Variants in SEMA3E observed in about 807,000 individuals in gnomAD.
SEMA3E encodes the protein semaphorin-3E.
In SEMA3E, 49 loss-of-function variants were observed where a neutral mutation model predicts 93.6. The ratio of observed to expected loss-of-function variants is 0.52; its 90% CI spans 0.42 to 0.66. The LOEUF is 0.66. Among genes scored for constraint, SEMA3E ranks in the 30% least tolerant of loss-of-function variants. The probability of loss-of-function intolerance (pLI) is 0.00; values close to 1 mark genes in which losing one functional copy is unlikely to be tolerated. For missense variants in SEMA3E, 906 were observed against 964.8 expected, an observed-to-expected ratio of 0.94 and a Z score of 0.81; for synonymous variants, 363 against 330.7, an observed-to-expected ratio of 1.10 and a Z score of -1.06.
intron 4 of SEMA3E, 122 bp downstream of exon 4, chr7:83,466,360 A>T: frequency 8.3e-7 from 1 of 1,200,816 alleles, no homozygotes; most frequent in Non-Finnish European, 1.2e-6. Flanking sequence ...GTCTCAAGCA[A>T]ACTGATTCAG....
intron 15 of SEMA3E, among the ~76,000 whole-genome samples, chr7:83,386,396 T>G (rs895573403): frequency 3.3e-5 from 5 of 151,772 alleles, no homozygotes; most frequent in Non-Finnish European, 7.4e-5. Context: ...ATAGAAAGAG[T>G]CAGGAGTTAA....
chr7:83,522,961 T>A (rs1791079623), intron 1 of SEMA3E, among the ~76,000 whole-genome samples: 1 of 152,008 alleles, frequency 6.6e-6, no homozygotes, highest in African/African-American at 2.4e-5. Flanking sequence ...TGAGAATACG[T>A]TAGGAAGGTG....
chr7:83,525,000 C>T (rs1791126131), intron 1 of SEMA3E, among the ~76,000 whole-genome samples: 1 of 151,972 alleles, frequency 6.6e-6, no homozygotes, highest in Non-Finnish European at 1.5e-5. Context: ...TCTTTCTTGG[C>T]TAATCATCCT....
At position 83,396,095 on chromosome 7, in the gene SEMA3E, A is replaced by ATG. The variant is rs1296911308; in HGVS notation, c.1458+542_1458+543insCA. ...TATAAGTGCATATGTGCATTTATAT[A>ATG]TATGCACACATATATATGTGTATAC... On this transcript the variant is annotated intron_variant, in intron 12 of 16. Transcript: ENST00000643230. Among the ~76,000 whole-genome samples the ATG allele has an allele frequency of 3.5e-3, 532 of 151,418 alleles. 5 individuals are homozygous for ATG. The highest frequency in any genetic ancestry group is 0.012 in the African/African-American group (504 of 41,364).
intron 1 of SEMA3E, among the ~76,000 whole-genome samples, chr7:83,523,168 A>G (rs979121491): frequency 6.6e-5 from 10 of 152,072 alleles, no homozygotes; most frequent in Non-Finnish European, 4.4e-5. Context: ...GGCACACACT[A>G]TGCACTCAGC....
At chr7:83,530,490 T>A (rs1160501171) in intron 1 of SEMA3E, among the ~76,000 whole-genome samples, 3 of 152,156 alleles carry the variant, frequency 2.0e-5, no homozygotes, top group African/African-American at 7.2e-5. Flanking sequence ...ACTGAAGAAT[T>A]TTACAATGGA....
At chr7:83,378,275 G>T (rs1431240844) in intron 16 of SEMA3E, among the ~76,000 whole-genome samples, 1 of 151,848 alleles carries the variant, frequency 6.6e-6, no homozygotes, top group African/African-American at 2.4e-5. Flanking sequence ...TTCAGAGAGT[G>T]AAGAGTCTCT....
intron 1 of SEMA3E, among the ~76,000 whole-genome samples, chr7:83,583,241 A>T (rs909070005): frequency 1.3e-5 from 2 of 152,152 alleles, no homozygotes; most frequent in African/African-American, 2.4e-5. Context: ...ATACATAATG[A>T]TTGTACATAT....
At chr7:83,505,438 C>T (rs1790681117) in intron 1 of SEMA3E, among the ~76,000 whole-genome samples, 1 of 152,040 alleles carries the variant, frequency 6.6e-6, no homozygotes, top group Non-Finnish European at 1.5e-5. Context: ...ATCAAGATAC[C>T]TGTTTTGTTC....
At chr7:83,593,233 TCTC>T (rs1173807744) in intron 1 of SEMA3E, among the ~76,000 whole-genome samples, 9 of 146,078 alleles carry the variant, frequency 6.2e-5, no homozygotes, top group African/African-American at 2.0e-4. Flanking sequence ...TCTCTCTCTC[TCTC>T]TTTCGCTCTT....
chr7:83,597,750 C>T (rs1377011683), intron 1 of SEMA3E, among the ~76,000 whole-genome samples: 1 of 152,090 alleles, frequency 6.6e-6, no homozygotes, highest in Non-Finnish European at 1.5e-5. Flanking sequence ...CAAAAATGTT[C>T]TATGTAGGCA....
At chr7:83,484,358 T>C (rs532560682) in intron 2 of SEMA3E, among the ~76,000 whole-genome samples, 1 of 152,284 alleles carries the variant, frequency 6.6e-6, no homozygotes, top group South Asian at 2.1e-4. Flanking sequence ...TCTACCATCA[T>C]CCATTGCTAC....
intron 5 of SEMA3E, among the ~76,000 whole-genome samples, chr7:83,415,982 T>C (rs537752367): frequency 3.9e-5 from 6 of 152,210 alleles, no homozygotes; most frequent in African/African-American, 1.2e-4. Flanking sequence ...TCTACCGAGC[T>C]TGCCAAATTC....
In SEMA3E at chr7:83,379,709, T is replaced by G. The variant is rs1001494947; in HGVS notation, c.1875+5585A>C. ...TAAAACCAGACTGTCTGGGCTCAAA[T>G]GCAAACTGACTTCACAAGCTGTGTA... On this transcript the variant is annotated intron_variant, in intron 16 of 16. Transcript: ENST00000643230. Among the ~76,000 whole-genome samples, 12 of 151,886 alleles carry G rather than the reference T, an allele frequency of 7.9e-5. No homozygotes were observed. In the Admixed American group the frequency reaches 7.9e-4, roughly 10 times the overall value.
chr7:83,485,632 A>G (rs1362564155), intron 2 of SEMA3E, among the ~76,000 whole-genome samples: 8 of 152,068 alleles, frequency 5.3e-5, no homozygotes, highest in African/African-American at 1.7e-4. Context: ...ACACTACATA[A>G]TATACTGTGT....
chr7:83,373,592 A>G (rs777282836), intron 16 of SEMA3E, among the ~76,000 whole-genome samples: 9 of 152,174 alleles, frequency 5.9e-5, no homozygotes, highest in Non-Finnish European at 1.5e-5. Context: ...CACTACGTGG[A>G]GAAGAACAAA....
intron 1 of SEMA3E, among the ~76,000 whole-genome samples, chr7:83,513,340 ACCTC>A (rs1309757548): frequency 6.6e-6 from 1 of 152,054 alleles, no homozygotes; most frequent in African/African-American, 2.4e-5. Context: ...AGCATAATTA[ACCTC>A]TTCCCATAGC....
chr7:83,407,212 A>C lies in SEMA3E; in HGVS notation c.698T>G (p.Ile233Ser). The C allele has an allele frequency of 6.2e-7, 1 of 1,613,324 alleles. No homozygotes were observed. The highest frequency in any genetic ancestry group is 8.5e-7 in the Non-Finnish European group (1 of 1,179,672). Residue 233 changes from isoleucine to serine, a missense_variant, in exon 7 of 17, where the codon ATT (isoleucine) becomes AGT (serine). Transcript: ENST00000643230. ...KEPKFVGSYM[I>S]PDNEDRDDNK... ...GTCATCTCTGTCTTCATTGTCAGGAATCATGTATGAACCTACAAATTTTGG... is the reference window on the plus strand; with the variant it reads ...GTCATCTCTGTCTTCATTGTCAGGACTCATGTATGAACCTACAAATTTTGG...
chr7:83,616,794 C>G, intron 1 of SEMA3E: 1 of 427,178 alleles, frequency 2.3e-6, no homozygotes, highest in Non-Finnish European at 4.6e-6. Flanking sequence ...GCGTGATCTC[C>G]TCTCACTACA....
Sources: allele counts gnomAD v4.1 joint callset (sites outside exome capture counted in the v4.1 genomes callset), GRCh38; gene constraint gnomAD v4.1.1; transcripts MANE v1.5; gene names NCBI Gene and HGNC (gene_info 2026-07-23, HGNC 2026-07-21).